The following CALN1 variants were observed in gnomAD, a reference collection of about 807,000 sequenced individuals.
CALN1 encodes calneuron 1, also known as calcium-binding protein 8.
Under a neutral mutation model 30.6 loss-of-function variants are expected in CALN1, and 17 were observed. The ratio of observed to expected loss-of-function variants is 0.56; its 90% CI spans 0.38 to 0.83. CALN1 has a LOEUF of 0.83. CALN1 is among the 40% of genes least tolerant of loss of function. The pLI, the probability that CALN1 is intolerant of heterozygous loss-of-function variation, is 0.00. For synonymous variants in CALN1, 156 were observed against 131.4 expected, an observed-to-expected ratio of 1.19 and a Z score of -1.28; for missense variants, 291 against 354.9, an observed-to-expected ratio of 0.82 and a Z score of 1.45.
At chr7:72,110,706 T>C (rs1807511051) in intron 3 of CALN1, among the ~76,000 whole-genome samples, 1 of 151,002 alleles carries the variant, frequency 6.6e-6, no homozygotes, top group Non-Finnish European at 1.5e-5. Context: ...AATACAAAAC[T>C]AGAAATCCAT....
chr7:71,978,646 G>C (rs1020829759), intron 5 of CALN1, among the ~76,000 whole-genome samples: 7 of 152,166 alleles, frequency 4.6e-5, no homozygotes, highest in Non-Finnish European at 5.9e-5. Context: ...GTTGTCACGA[G>C]ACCTATTGTT....
At chr7:71,865,812 T>C (rs1270398294) in intron 5 of CALN1, among the ~76,000 whole-genome samples, 2 of 149,820 alleles carry the variant, frequency 1.3e-5, no homozygotes, top group Non-Finnish European at 2.9e-5. Context: ...TATTATACAT[T>C]AGAGTCAATA....
chr7:71,801,565 A>G (rs1027376594), intron 6 of CALN1, among the ~76,000 whole-genome samples: 5 of 152,074 alleles, frequency 3.3e-5, no homozygotes, highest in Admixed American at 3.3e-4. Flanking sequence ...GTGGAGCCTC[A>G]GTTTCCTCAT....
At chr7:72,397,342 G>T (rs1806029198) in intron 2 of CALN1, among the ~76,000 whole-genome samples, 1 of 152,194 alleles carries the variant, frequency 6.6e-6, no homozygotes, top group Non-Finnish European at 1.5e-5. Flanking sequence ...TCTAGAAGAT[G>T]ACAAGATCAA....
chr7:72,408,080 C>A (rs1004962280), intron 1 of CALN1, among the ~76,000 whole-genome samples: 1 of 152,016 alleles, frequency 6.6e-6, no homozygotes, highest in African/African-American at 2.4e-5. Context: ...GTTCAATAAA[C>A]ATATATTGAA....
At chr7:71,840,503 A>T (rs1251606871) in intron 5 of CALN1, among the ~76,000 whole-genome samples, 1 of 150,888 alleles carries the variant, frequency 6.6e-6, no homozygotes, top group Non-Finnish European at 1.5e-5. Context: ...AAAAAAAAAA[A>T]AAAAAAAAGA....
chr7:72,246,114 A>G (rs1418026854), intron 3 of CALN1, among the ~76,000 whole-genome samples: 1 of 152,132 alleles, frequency 6.6e-6, no homozygotes, highest in Admixed American at 6.5e-5. Context: ...CTTTATTATG[A>G]TAACATCTTT....
chr7:72,182,936 G>A (rs1789922785), intron 3 of CALN1, among the ~76,000 whole-genome samples: 1 of 152,138 alleles, frequency 6.6e-6, no homozygotes, highest in South Asian at 2.1e-4. Flanking sequence ...GGGACCAGGT[G>A]GTAAAGGCAT....
intron 6 of CALN1, among the ~76,000 whole-genome samples, chr7:71,801,162 C>A (rs979853065): frequency 3.3e-5 from 5 of 152,130 alleles, no homozygotes; most frequent in Non-Finnish European, 5.9e-5. Flanking sequence ...TTTATGGCTG[C>A]ATAGTATTCC....
intron 5 of CALN1, among the ~76,000 whole-genome samples, chr7:71,837,140 G>A (rs986810148): frequency 1.4e-5 from 2 of 147,228 alleles, no homozygotes; most frequent in African/African-American, 2.5e-5. Context: ...GCTGAGGCAC[G>A]AGAATCACTT....
At chr7:72,171,452 C>T (rs1191312961) in intron 3 of CALN1, among the ~76,000 whole-genome samples, 1 of 152,098 alleles carries the variant, frequency 6.6e-6, no homozygotes, top group Non-Finnish European at 1.5e-5. Flanking sequence ...AGTGAGACCC[C>T]ATTTTTCTTA....
At chr7:72,443,203 G>A (rs1323540118) in intron 1 of CALN1, among the ~76,000 whole-genome samples, 2 of 152,246 alleles carry the variant, frequency 1.3e-5, no homozygotes, top group East Asian at 1.9e-4. Flanking sequence ...TTTACCTTTC[G>A]TGACTTATTT....
At chr7:72,362,413 CCT>C (rs1803626471) in intron 2 of CALN1, among the ~76,000 whole-genome samples, 1 of 152,130 alleles carries the variant, frequency 6.6e-6, no homozygotes, top group African/African-American at 2.4e-5. Context: ...AAGTCTCCAT[CCT>C]CTCTCTACCA....
At chr7:71,999,558 G>C (rs1307740330) in intron 5 of CALN1, among the ~76,000 whole-genome samples, 1 of 151,322 alleles carries the variant, frequency 6.6e-6, no homozygotes, top group African/African-American at 2.4e-5. Context: ...CTGTCACCCA[G>C]GCTGGAGTGC....
chr7:72,244,477 T>C (rs1795037835), intron 3 of CALN1, among the ~76,000 whole-genome samples: 1 of 151,770 alleles, frequency 6.6e-6, no homozygotes, highest in Non-Finnish European at 1.5e-5. Flanking sequence ...CTAAAATATA[T>C]AAACAAGAAA....
At chr7:72,105,250 T>C (rs566239251) in intron 4 of CALN1, among the ~76,000 whole-genome samples, 1 of 152,188 alleles carries the variant, frequency 6.6e-6, no homozygotes, top group Non-Finnish European at 1.5e-5. Flanking sequence ...CACTCTTAAC[T>C]ACAGCGGGAC....
At chr7:72,339,096 T>C (rs1030889576) in intron 2 of CALN1, among the ~76,000 whole-genome samples, 2 of 152,048 alleles carry the variant, frequency 1.3e-5, no homozygotes, top group African/African-American at 4.8e-5. Flanking sequence ...CCGGGTTTAT[T>C]TTACTTAACA....
intron 5 of CALN1, among the ~76,000 whole-genome samples, chr7:71,955,113 T>C (rs1041258793): frequency 1.3e-5 from 2 of 152,048 alleles, no homozygotes; most frequent in East Asian, 3.9e-4. Flanking sequence ...CTCGCAATCA[T>C]GGCAGAAGAC....
intron 3 of CALN1, among the ~76,000 whole-genome samples, chr7:72,254,995 G>T (rs1326060858): frequency 1.3e-5 from 2 of 152,160 alleles, no homozygotes; most frequent in African/African-American, 4.8e-5. Context: ...GTTTCTCCAT[G>T]TTGGTCAGGC....
Sources: allele counts gnomAD v4.1 joint callset (sites outside exome capture counted in the v4.1 genomes callset), GRCh38; gene constraint gnomAD v4.1.1; transcripts MANE v1.5; gene names NCBI Gene and HGNC (gene_info 2026-07-23, HGNC 2026-07-21).